The following PCNT variants were observed in gnomAD, a reference collection of about 807,000 sequenced individuals.
PCNT encodes kendrin.
In PCNT, 319 loss-of-function variants were observed where a neutral mutation model predicts 380.4. The observed-to-expected ratio is 0.84, with a 90% CI of 0.77 to 0.92. The LOEUF is 0.92. Ranked by LOEUF, PCNT falls within the 40% of genes least tolerant of loss-of-function variation. The pLI is 0.00. For synonymous variants in PCNT, 1,845 were observed against 1,735.2 expected (o/e 1.06, Z -1.57); for missense variants, 4,400 against 4,255.3 (o/e 1.03, Z -0.95).
At chr21:46,432,349 G>A (rs770246596) in intron 38 of PCNT, 134 bp downstream of exon 38, 101 of 823,938 alleles carry the variant, frequency 1.2e-4, no homozygotes, top group Non-Finnish European at 1.4e-4. Flanking sequence ...GTGCCCTGAC[G>A]CTGGCACCAC....
intron 3 of PCNT, among the ~76,000 whole-genome samples, chr21:46,345,224 A>G (rs1435298147): frequency 6.6e-6 from 1 of 151,470 alleles, no homozygotes; most frequent in Non-Finnish European, 1.5e-5. Flanking sequence ...TATTTTGTTT[A>G]TTTATTTTTT....
chr21:46,414,455 C>CCCTCCT (rs3831820), intron 29 of PCNT, among the ~76,000 whole-genome samples: 11 of 122,854 alleles, frequency 9.0e-5, no homozygotes, highest in Non-Finnish European at 9.9e-5. Context: ...CAGTCGCCCA[C>CCCTCCT]CCTCCTCCTC....
intron 17 of PCNT, among the ~76,000 whole-genome samples, chr21:46,387,214 G>A (rs912009433): frequency 1.3e-5 from 2 of 152,216 alleles, no homozygotes; most frequent in East Asian, 1.9e-4. Flanking sequence ...GGGTCCATCC[G>A]TGTGTGGGGG....
intron 2 of PCNT, among the ~76,000 whole-genome samples, chr21:46,327,721 T>C (rs2083436687): frequency 6.6e-6 from 1 of 152,258 alleles, no homozygotes; most frequent in Admixed American, 6.5e-5. Flanking sequence ...TAAAACATAA[T>C]ATTCCTTCAC....
At position 46,430,782 on chromosome 21, in the gene PCNT, A is replaced by G. The variant is rs1276841251; in HGVS notation, c.8064+125A>G. On this transcript the variant is annotated intron_variant, in intron 37 of 46. Coordinates refer to ENST00000359568, the MANE Select transcript of PCNT (RefSeq NM_006031.6). ...AGTGCACCCAGTTGACAGCAGTGTG[A>G]CGTAGCAGGATAGGGCTGTGTTTGC... 2.0e-6 allele frequency: 3 copies of G among 1,531,742 alleles called. No individual in the cohort carries two copies. The African/African-American group carries it at 4.1e-5, about 21-fold the overall frequency. 94.9% of individuals were successfully genotyped at this position (1,531,742 alleles called of 1,614,324 possible). A position where few individuals can be genotyped will look rare whatever the true frequency, so the allele number is the denominator to read the frequency against.
chr21:46,400,228 T>C (rs1345835337), intron 25 of PCNT, among the ~76,000 whole-genome samples: 2 of 152,192 alleles, frequency 1.3e-5, no homozygotes, highest in Non-Finnish European at 2.9e-5. Context: ...TGCTGGTGTT[T>C]GCCGTGTTGT....
At chr21:46,377,882 A>AACCCCCCACTCATTAGCATTT (rs139165391) in intron 15 of PCNT, among the ~76,000 whole-genome samples, 2 of 151,702 alleles carry the variant, frequency 1.3e-5, no homozygotes, top group South Asian at 2.1e-4. Context: ...GAAAACAAGA[A>AACCCCCCACTCATTAGCATTT]ACTCCCCATT....
chr21:46,371,212 TTC>T (rs2085114514), intron 15 of PCNT, among the ~76,000 whole-genome samples: 1 of 128,016 alleles, frequency 7.8e-6, no homozygotes, highest in Non-Finnish European at 1.8e-5. Context: ...TTTTCTTTCT[TTC>T]TTTTTTTTTT....
chr21:46,442,134 C>A (rs866287060), intron 43 of PCNT, among the ~76,000 whole-genome samples: 6 of 152,164 alleles, frequency 3.9e-5, no homozygotes, highest in South Asian at 2.1e-4. Flanking sequence ...TCCTGCACAC[C>A]AGGCGGGAGC....
Position 46,366,921 on chromosome 21 carries a change from C to T in PCNT, c.2947C>T (p.Arg983Cys), listed in dbSNP as rs776993806. 9 of 1,614,072 alleles carry T rather than the reference C, an allele frequency of 5.6e-6. No individual in the cohort carries two copies. Among genetic ancestry groups the T allele is most frequent in the African/African-American group, 1.3e-5 (1 of 74,948 alleles). The change falls in exon 15 of 47, where the codon CGT (arginine) becomes TGT (cysteine). Residue 983 changes from arginine (R) to cysteine (C), a missense_variant. By Grantham distance (180) the Arg-to-Cys change is radical. Transcript: ENST00000359568. ...SCYLSEFQTI[R>C]EEHRQALELL... is the part of the protein sequence containing the mutation. The stretch of plus-strand genomic sequence containing the variant: ...TTACCTCTCTGAATTTCAGACCATC[C>T]GTGAGGAGCACAGGCAGGCCCTAGA...
chr21:46,443,952 A>C lies in PCNT; in HGVS notation c.9839+4A>C, dbSNP rs2053681021. 1 of 1,611,706 alleles carries C rather than the reference A, an allele frequency of 6.2e-7. No individual in the cohort carries two copies. The highest frequency in any genetic ancestry group is 1.3e-5 in the African/African-American group (1 of 74,972). On this transcript the variant is annotated splice_donor_region_variant and intron_variant, in intron 45 of 46. Transcript: ENST00000359568. ...CCTCCCCACACAGTGGGGGAAGGTC[A>C]GTGTGATGCCTTCAGGCCCCGTCTC...
intron 30 of PCNT, among the ~76,000 whole-genome samples, chr21:46,417,672 G>A (rs112064703): frequency 4.1e-4 from 63 of 152,168 alleles, no homozygotes; most frequent in African/African-American, 5.8e-4. Context: ...AGGCTGAGGC[G>A]GGAGGATTGC....
At position 46,368,273 on chromosome 21, in the gene PCNT, G is replaced by A. The variant is rs185404421; in HGVS notation, c.3165+1134G>A. ...ATCCTGGCTAACACGGTGAAACCCC[G>A]TCTCTACTAAAAATCCAAAAAAAAA... On this transcript the variant is annotated intron_variant, in intron 15 of 46. Transcript: ENST00000359568. 7.8e-4 allele frequency among the ~76,000 whole-genome samples: 118 copies of A among 152,144 alleles called. 1 individual carries two copies. The highest frequency in any genetic ancestry group is 1.3e-3 in the Non-Finnish European group (86 of 67,992).
intron 35 of PCNT, among the ~76,000 whole-genome samples, chr21:46,429,304 G>A (rs537296678): frequency 3.0e-5 from 3 of 98,900 alleles, no homozygotes; most frequent in South Asian, 2.7e-4. Flanking sequence ...GGGTGCCGGC[G>A]CTGTGCGAGC....
intron 29 of PCNT, among the ~76,000 whole-genome samples, chr21:46,415,817 C>T (rs964838707): frequency 1.3e-5 from 2 of 152,210 alleles, no homozygotes; most frequent in Non-Finnish European, 2.9e-5. Flanking sequence ...ACCTTCCCAT[C>T]CTTTTTCCCT....
intron 15 of PCNT, among the ~76,000 whole-genome samples, chr21:46,369,977 TGCTGGGGGA>T (rs2085060383): frequency 6.6e-6 from 1 of 151,598 alleles, no homozygotes; most frequent in Admixed American, 6.6e-5. Flanking sequence ...GTTCTGGGGG[TGCTGGGGGA>T]GCTACAGGTG....
At chr21:46,356,319 G>A (rs2146713285) in intron 12 of PCNT, among the ~76,000 whole-genome samples, 1 of 152,308 alleles carries the variant, frequency 6.6e-6, no homozygotes, top group South Asian at 2.1e-4. Flanking sequence ...GCCTGCCTGG[G>A]CCTCCTTCAA....
intron 3 of PCNT, among the ~76,000 whole-genome samples, chr21:46,339,033 C>T (rs571791236): frequency 5.3e-5 from 8 of 152,272 alleles, no homozygotes; most frequent in East Asian, 1.9e-4. Flanking sequence ...CCACCCGCCT[C>T]GGCCTCCCAA....
intron 27 of PCNT, among the ~76,000 whole-genome samples, chr21:46,403,228 C>T (rs1041855851): frequency 5.0e-5 from 7 of 138,748 alleles, no homozygotes; most frequent in South Asian, 2.2e-4. Context: ...GTGGTGCCCA[C>T]GCGGCGCATG....
Sources: allele counts gnomAD v4.1 joint callset (sites outside exome capture counted in the v4.1 genomes callset), GRCh38; gene constraint gnomAD v4.1.1; transcripts MANE v1.5; gene names NCBI Gene and HGNC (gene_info 2026-07-23, HGNC 2026-07-21).